Variants in GNAO1 observed in about 807,000 individuals in gnomAD.
The protein encoded by GNAO1 is G protein subunit alpha o1.
For synonymous variants in GNAO1, 164 were observed against 180.7 expected, an observed-to-expected ratio of 0.91 and a Z score of 0.74; for missense variants, 166 against 478.7, an observed-to-expected ratio of 0.35 and a Z score of 6.10.
Position 56,328,969 on chromosome 16 carries a change from A to C in GNAO1, c.464+178A>C, listed in dbSNP as rs4784654. The stretch of plus-strand genomic sequence containing the variant: ...AATGAGAAGGGGCCTCTCTTCCTGC[A>C]CCCCAGGAGGAGAAAGAGGCCAGAG... On this transcript the variant is annotated intron_variant, in intron 4 of 8. Transcript: ENST00000262493. 394,974 of 605,220 alleles carry C rather than the reference A, an allele frequency of 0.65. 132,033 individuals are homozygous for C. The highest frequency in any genetic ancestry group is 0.76 in the East Asian group (26,859 of 35,114). The allele number at this position is 605,220 out of a possible 1,614,324, so 37.5% of individuals were successfully genotyped here.
intron 6 of GNAO1, chr16:56,347,068 T>G (rs2037876735): frequency 2.0e-6 from 2 of 985,418 alleles, no homozygotes; most frequent in Non-Finnish European, 2.4e-6. Context: ...TCTGACCTGG[T>G]GCACTCTTGG....
chr16:56,192,854 A>C, intron 2 of GNAO1: 1 of 551,180 alleles, frequency 1.8e-6, no homozygotes, highest in Middle Eastern at 4.8e-4. Context: ...GAGCGCCTGT[A>C]GTTGTATGAA....
chr16:56,232,868 T>G (rs536866236), intron 2 of GNAO1, among the ~76,000 whole-genome samples: 61 of 152,374 alleles, frequency 4.0e-4, no homozygotes, highest in Non-Finnish European at 6.9e-4. Context: ...CATCTCTTCT[T>G]CTTTATATCC....
At position 56,311,781 on chromosome 16, in the gene GNAO1, C is replaced by T. The variant is rs1230661360; in HGVS notation, c.304-16850C>T. Among the ~76,000 whole-genome samples, 4 of 152,110 alleles carry T rather than the reference C, an allele frequency of 2.6e-5. No individual in the cohort carries two copies. The highest frequency in any genetic ancestry group is 1.9e-4 in the East Asian group (1 of 5,178). On this transcript the variant is annotated intron_variant, in intron 3 of 8. Transcript: ENST00000262493. The surrounding 1 kb of genome is among the most constrained non-coding windows in gnomAD (Gnocchi z 5.2). ...TGTCCACCTCCTGCCCCGCCCAGCA[C>T]GGCCCGCTGGGACCTCCTTGCCTGG... is the stretch of plus-strand genomic sequence containing the variant.
chr16:56,281,837 G>T (rs553630526), intron 3 of GNAO1, among the ~76,000 whole-genome samples: 3 of 152,142 alleles, frequency 2.0e-5, no homozygotes, highest in South Asian at 2.1e-4. Flanking sequence ...CTGGACCAGT[G>T]GGGGGGATGG....
chr16:56,217,696 G>A (rs1231719715), intron 2 of GNAO1, among the ~76,000 whole-genome samples: 1 of 152,188 alleles, frequency 6.6e-6, no homozygotes, highest in African/African-American at 2.4e-5. Context: ...TAGGTATTAT[G>A]ACTCCCTGTC....
chr16:56,318,986 A>G (rs1567481592), intron 3 of GNAO1, among the ~76,000 whole-genome samples: 1 of 152,218 alleles, frequency 6.6e-6, no homozygotes, highest in African/African-American at 2.4e-5. Context: ...TGCAGAAGCC[A>G]GGATTTGAAC....
intron 2 of GNAO1, among the ~76,000 whole-genome samples, chr16:56,252,717 C>A (rs1298403933): frequency 6.6e-6 from 1 of 152,172 alleles, no homozygotes. Flanking sequence ...TCATCCACAC[C>A]CCCACATCAG....
At chr16:56,216,234 G>A (rs1213016028) in intron 2 of GNAO1, among the ~76,000 whole-genome samples, 1 of 152,134 alleles carries the variant, frequency 6.6e-6, no homozygotes, top group African/African-American at 2.4e-5. Flanking sequence ...TTTTACTATA[G>A]GTAAATAATA....
chr16:56,329,932 A>T (rs1369606864), intron 4 of GNAO1, among the ~76,000 whole-genome samples: 2 of 152,152 alleles, frequency 1.3e-5, no homozygotes, highest in East Asian at 3.9e-4. Flanking sequence ...CACAACAAAG[A>T]GTTACGTGGC....
chr16:56,299,717 A>C (rs1401097529), intron 3 of GNAO1, among the ~76,000 whole-genome samples: 1 of 152,220 alleles, frequency 6.6e-6, no homozygotes. Context: ...AACATTATTA[A>C]ATTTGCATGG....
chr16:56,330,332 A>G (rs1241391897), intron 4 of GNAO1, among the ~76,000 whole-genome samples: 2 of 152,060 alleles, frequency 1.3e-5, no homozygotes, highest in Admixed American at 6.6e-5. Context: ...CCTGCCCTGG[A>G]GTCCAGGGCC....
At chr16:56,338,095 G>A (rs1452728598) in intron 6 of GNAO1, among the ~76,000 whole-genome samples, 3 of 152,162 alleles carry the variant, frequency 2.0e-5, no homozygotes, top group South Asian at 2.1e-4. Flanking sequence ...TGTGAGGATG[G>A]GATCAACTTT....
intron 2 of GNAO1, among the ~76,000 whole-genome samples, chr16:56,227,559 A>G (rs1596808492): frequency 6.6e-6 from 1 of 152,196 alleles, no homozygotes; most frequent in Non-Finnish European, 1.5e-5. Context: ...ACAGTGGCTC[A>G]TGCCTGTAAT....
intron 2 of GNAO1, among the ~76,000 whole-genome samples, chr16:56,232,705 T>C (rs2036601374): frequency 6.6e-6 from 1 of 152,214 alleles, no homozygotes; most frequent in Admixed American, 6.5e-5. Context: ...TTTCATTTTA[T>C]ACAGTTATGG....
chr16:56,309,409 A>G (rs1235124218), intron 3 of GNAO1, among the ~76,000 whole-genome samples: 1 of 152,148 alleles, frequency 6.6e-6, no homozygotes, highest in Non-Finnish European at 1.5e-5. Context: ...CAGCCAAGGA[A>G]CGTGTGGGTG....
At chr16:56,279,776 C>T (rs1347847137) in intron 3 of GNAO1, among the ~76,000 whole-genome samples, 1 of 152,188 alleles carries the variant, frequency 6.6e-6, no homozygotes, top group Non-Finnish European at 1.5e-5. Flanking sequence ...AGCCTTCCCT[C>T]CAGAACAGGG....
At chr16:56,265,897 C>G (rs78720758) in intron 2 of GNAO1, among the ~76,000 whole-genome samples, 6,556 of 152,176 alleles carry the variant, frequency 0.043, 318 homozygotes, top group African/African-American at 0.11. Flanking sequence ...CCCCCACTTT[C>G]CCTATCACTC....
intron 3 of GNAO1, among the ~76,000 whole-genome samples, chr16:56,304,939 C>T (rs557938969): frequency 2.1e-4 from 32 of 152,364 alleles, no homozygotes; most frequent in African/African-American, 7.5e-4. Flanking sequence ...ACTCGTTTCT[C>T]CAGTTGCTCT....
Sources: gnomAD v4.1 joint callset for allele counts (sites outside exome capture counted in the v4.1 genomes callset) on GRCh38, gnomAD v4.1.1 for gene constraint, Gnocchi (gnomAD v3.1) non-coding constraint, MANE v1.5 for transcripts, NCBI Gene and HGNC (gene_info 2026-07-23, HGNC 2026-07-21) for gene names.